ECEL1: variants seen among roughly 807,000 people sequenced by gnomAD.
The protein encoded by ECEL1 is endothelin-converting enzyme-like 1.
ECEL1 carries 87 observed loss-of-function variants against 101.8 expected under a neutral mutation model. The ratio of observed to expected loss-of-function variants is 0.85; its 90% confidence interval spans 0.72 to 1.02. The LOEUF (loss-of-function observed/expected upper bound fraction) is 1.02, where lower values mean the gene tolerates loss of function less well. Ranked by LOEUF, ECEL1 falls within the 50% of genes least tolerant of loss-of-function variation. The pLI, the probability that ECEL1 is intolerant of heterozygous loss-of-function variation, is 0.00. For missense variants in ECEL1, 1,032 were observed against 1,079.2 expected (o/e 0.96, Z 0.61); for synonymous variants, 487 against 468.7 (o/e 1.04, Z -0.50).
intron 15 of ECEL1, 106 bp from the exon 16 acceptor site, chr2:232,480,919 GC>G: frequency 1.5e-6 from 2 of 1,351,778 alleles, no homozygotes; most frequent in Non-Finnish European, 2.0e-6. Flanking sequence ...GTGAAGGGGG[GC>G]CCGTGAATCC....
rs1328307309 is a variant in ECEL1, at chr2:232,485,870, G to T, written c.784C>A (p.Arg262Ser). The change falls in exon 2 of 18, where the codon CGC (arginine) becomes AGC (serine). Residue 262 changes from arginine (R) to serine (S), a missense_variant and splice_region_variant. Transcript: ENST00000304546. ...GGGCGCTCAGGGGGCGCACTCACGC[G>T]GATGACGTAGCGCGAGGAGTTCCTG... ...DDRNSSRYVI[R>S]IDQDGLTLPE... The T allele has an allele frequency of 6.4e-7, 1 of 1,551,916 alleles. No homozygotes were observed. The highest frequency in any genetic ancestry group is 2.4e-5 in the East Asian group (1 of 41,558).
chr2:232,482,766 A>G (rs996637586), intron 10 of ECEL1, 85 bp downstream of exon 10: 1 of 1,554,144 alleles, frequency 6.4e-7, no homozygotes, highest in Non-Finnish European at 8.9e-7. Context: ...CCATATCTGC[A>G]TGGCTGTGAG....
intron 1 of ECEL1, 35 bp from the exon 2 acceptor site, chr2:232,486,789 C>T (rs565884937): frequency 1.6e-3 from 1,587 of 1,010,064 alleles, no homozygotes; most frequent in Admixed American, 1.9e-3. Flanking sequence ...CAGGAGGCGC[C>T]GCAGCCGGAT....
chr2:232,484,630 G>A, intron 5 of ECEL1, 34 bp from the exon 6 acceptor site: 1 of 1,611,690 alleles, frequency 6.2e-7, no homozygotes, highest in Non-Finnish European at 8.5e-7. Context: ...GTGAGGCTAG[G>A]GTTGGCAGGG....
chr2:232,481,052 C>T (rs1289696853), intron 15 of ECEL1, 39 bp downstream of exon 15: 1 of 1,549,718 alleles, frequency 6.5e-7, no homozygotes, highest in Non-Finnish European at 8.7e-7. Context: ...AGCCCCCGTC[C>T]CTCCTGCAGC....
Position 232,481,528 on chromosome 2 carries a change from T to C in ECEL1, c.1967A>G (p.Asn656Ser), listed in dbSNP as rs772747375. Residue 656 changes from asparagine to serine, a missense_variant, in exon 14 of 18, where the codon AAC (asparagine) becomes AGC (serine). Asn to Ser is a conservative substitution (Grantham distance 46). Coordinates refer to ENST00000304546, the MANE Select transcript of ECEL1 (RefSeq NM_004826.4). The stretch of plus-strand genomic sequence containing the variant: ...CACCCGCTGGTTGTAGACAGTGAAG[T>C]TGTCATAGAGACGGACGATGCACTC... ...KAECIVRLYDNFTVYNQRVNG... is the reference protein window; with the variant it reads ...KAECIVRLYDSFTVYNQRVNG... The C allele has an allele frequency of 6.2e-7, 1 of 1,612,776 alleles. No homozygotes were observed. Among genetic ancestry groups the C allele is most frequent in the Non-Finnish European group, 8.5e-7 (1 of 1,179,602 alleles).
At chr2:232,485,395 C>A in intron 2 of ECEL1, 128 bp from the exon 3 acceptor site, 1 of 1,055,944 alleles carries the variant, frequency 9.5e-7, no homozygotes, top group Non-Finnish European at 1.4e-6. Context: ...AGCACGCAGA[C>A]CCCAGCTCCT....
Position 232,486,113 on chromosome 2 carries a change from G to T in ECEL1, c.541C>A (p.Arg181Ser), listed in dbSNP as rs1447896981. Residue 181 changes from arginine to serine, a missense_variant, in exon 2 of 18, where the codon CGC (arginine) becomes AGC (serine). Physicochemically the swap from Arg to Ser is moderately radical, Grantham distance 110. Coordinates refer to ENST00000304546, the MANE Select transcript of ECEL1 (RefSeq NM_004826.4). ...GPGGAAQRKV[R>S]AFFRSCLDMR... ...TCGAGGCACGAGCGGAAGAAGGCGC[G>T]CACCTTGCGCTGGGCCGCGCCGCCA... The T allele has an allele frequency of 6.3e-7, 1 of 1,581,936 alleles. No individual in the cohort carries two copies.
intron 2 of ECEL1, among the ~76,000 whole-genome samples, chr2:232,485,617 T>C: frequency 6.6e-6 from 1 of 152,178 alleles, no homozygotes; most frequent in East Asian, 1.9e-4. Flanking sequence ...CTCCTGGCCC[T>C]CACTGCCTGC....
Position 232,482,628 on chromosome 2 carries a change from T to C in ECEL1, c.1686-20A>G, listed in dbSNP as rs1301443520. On this transcript the variant is annotated intron_variant, in intron 10 of 17. Coordinates refer to ENST00000304546, the MANE Select transcript of ECEL1 (RefSeq NM_004826.4). ...AGCCACCTGTGGAGGGATGCTGGGG[T>C]GAATGGGGGGAACACACTCCCTCCC... is the stretch of plus-strand genomic sequence containing the variant. 1.2e-6 allele frequency: 2 copies of C among 1,601,494 alleles called. No individual in the cohort carries two copies. The highest frequency in any genetic ancestry group is 2.2e-5 in the East Asian group (1 of 44,636).
chr2:232,485,722 G>T, intron 2 of ECEL1, 146 bp downstream of exon 2: 1 of 1,109,802 alleles, frequency 9.0e-7, no homozygotes, highest in Admixed American at 2.4e-5. Flanking sequence ...CTCTGCCTCT[G>T]TGCGCTCCCC....
chr2:232,480,170 T>G lies in ECEL1; in HGVS notation c.2311A>C (p.Lys771Gln). 1.2e-6 allele frequency: 2 copies of G among 1,613,514 alleles called. No individual in the cohort carries two copies. Among genetic ancestry groups the G allele is most frequent in the Non-Finnish European group, 1.7e-6 (2 of 1,179,826 alleles). ...PKDSPMNPAH[K>Q]CSVW Reference sequence around the variant, plus strand: ...AGCCAGGCTCACCACACGGAACACTTGTGGGCAGGGTTCATGGGTGAGTCC... The same window carrying G: ...AGCCAGGCTCACCACACGGAACACTGGTGGGCAGGGTTCATGGGTGAGTCC... The change falls in exon 18 of 18, where the codon AAG becomes CAG. Residue 771 changes from lysine (K) to glutamine (Q), a missense_variant. Transcript: ENST00000304546.
At position 232,479,970 on chromosome 2, in the gene ECEL1, T is replaced by A. The variant is rs1015352796; in HGVS notation, c.*183A>T. 1.6e-6 allele frequency: 1 copy of A among 621,772 alleles called. No homozygotes were observed. The highest frequency in any genetic ancestry group is 2.8e-6 in the Non-Finnish European group (1 of 351,714). 38.5% of individuals were successfully genotyped at this position (621,772 alleles called of 1,614,324 possible). On this transcript the variant is annotated 3_prime_UTR_variant, in exon 18 of 18. Coordinates refer to ENST00000304546, the MANE Select transcript of ECEL1 (RefSeq NM_004826.4). ...ATATTTCCCTCACAGCCCCCCAAAG[T>A]CCAGCCTCACCCTGCTCCAGGCCCC... is the stretch of plus-strand genomic sequence containing the variant.
chr2:232,482,593 T>G lies in ECEL1; in HGVS notation c.1701A>C (p.Pro567=). 6.2e-7 allele frequency: 1 copy of G among 1,612,472 alleles called. No individual in the cohort carries two copies. The highest frequency in any genetic ancestry group is 8.5e-7 in the Non-Finnish European group (1 of 1,179,372). ...EVDKSTWLLP[P]QALNAYYLPN... is the part of the protein sequence containing the mutation. ...GTAGATAGTAGGCATTGAGCGCCTG[T>G]GGGGGGAGCAGCCACCTGTGGAGGG... Residue 567 remains proline, a synonymous_variant, in exon 11 of 18, where the codon CCA becomes CCC. Transcript: ENST00000304546.
Position 232,486,038 on chromosome 2 carries a change from C to G in ECEL1, c.616G>C (p.Glu206Gln). 3 of 1,609,154 alleles carry G rather than the reference C, an allele frequency of 1.9e-6. No individual in the cohort carries two copies. The highest frequency in any genetic ancestry group is 2.5e-6 in the Non-Finnish European group (3 of 1,178,706). The change falls in exon 2 of 18, where the codon GAG becomes CAG. Residue 206 changes from glutamate to glutamine, a missense_variant. Glu to Gln is a conservative substitution (Grantham distance 29). Transcript: ENST00000304546. The part of the protein sequence containing the change: ...LGPRPMLEVI[E>Q]DCGGWDLGGA... ...CCCAGGTCCCAGCCCCCGCAGTCCT[C>G]GATGACCTCTAGCATGGGTCGCGGG...
Position 232,480,145 on chromosome 2 carries a change from A to AGCCAGGCT in ECEL1, c.2328_*7dup. On this transcript the variant is annotated 3_prime_UTR_variant, in exon 18 of 18. Coordinates refer to ENST00000304546, the MANE Select transcript of ECEL1 (RefSeq NM_004826.4). The stretch of plus-strand genomic sequence containing the variant: ...GGGCAGTGGGGGCGTGCAGGCGGGC[A>AGCCAGGCT]GCCAGGCTCACCACACGGAACACTT... 2 of 1,613,016 alleles carry AGCCAGGCT rather than the reference A, an allele frequency of 1.2e-6. No individual in the cohort carries two copies. The highest frequency in any genetic ancestry group is 1.7e-6 in the Non-Finnish European group (2 of 1,179,510).
At chr2:232,480,878 C>T in intron 15 of ECEL1, 65 bp from the exon 16 acceptor site, 2 of 1,498,308 alleles carry the variant, frequency 1.3e-6, no homozygotes, top group South Asian at 2.5e-5. Context: ...CTTCTCTGTC[C>T]TCCATCTAGG....
At position 232,486,674 on chromosome 2, in the gene ECEL1, G is replaced by A; in HGVS notation, c.-21C>T. The A allele has an allele frequency of 1.3e-6, 2 of 1,489,086 alleles. No homozygotes were observed. The highest frequency in any genetic ancestry group is 2.3e-5 in the Admixed American group (1 of 43,476). The allele number at this position is 1,489,086 out of a possible 1,614,324, so 92.2% of individuals were successfully genotyped here. On this transcript the variant is annotated 5_prime_UTR_variant, in exon 2 of 18. Coordinates refer to ENST00000304546, the MANE Select transcript of ECEL1 (RefSeq NM_004826.4). ...TCCATGGCGCCGAGGCCGCCGCGGT[G>A]CAGACCTGGGCCACCTGGGCTACGG...
Position 232,486,154 on chromosome 2 carries a change from C to T in ECEL1, c.500G>A (p.Arg167Gln), listed in dbSNP as rs2106186694. Residue 167 changes from arginine to glutamine, a missense_variant, in exon 2 of 18, where the codon CGG becomes CAG. Physicochemically the swap from Arg to Gln is conservative, Grantham distance 43. Coordinates refer to ENST00000304546, the MANE Select transcript of ECEL1 (RefSeq NM_004826.4). ...NEERLRRLLA[R>Q]PGGGPGGAAQ... ...CGCGCCGCCAGGCCCACCCCCGGGC[C>T]GCGCCAGCAGGCGCCGTAGGCGCTC... is the stretch of plus-strand genomic sequence containing the variant. The T allele has an allele frequency of 6.4e-7, 1 of 1,569,642 alleles. No homozygotes were observed. Among genetic ancestry groups the T allele is most frequent in the East Asian group, 2.3e-5 (1 of 43,106 alleles).
Sources: allele counts gnomAD v4.1 joint callset (sites outside exome capture counted in the v4.1 genomes callset), GRCh38; gene constraint gnomAD v4.1.1; transcripts MANE v1.5; gene names NCBI Gene and HGNC (gene_info 2026-07-23, HGNC 2026-07-21).